Variants in CRISPLD2 observed in about 807,000 individuals in gnomAD.
CRISPLD2 encodes the protein cysteine rich secretory protein LCCL domain containing 2.
Under a neutral mutation model 71.1 loss-of-function variants are expected in CRISPLD2, and 47 were observed. The ratio of observed to expected loss-of-function variants is 0.66; its 90% CI spans 0.52 to 0.84. CRISPLD2 has a LOEUF of 0.84. CRISPLD2 is among the 40% of genes least tolerant of loss of function. The pLI, the probability that CRISPLD2 is intolerant of heterozygous loss-of-function variation, is 0.00. For synonymous variants in CRISPLD2, 317 were observed against 250.1 expected (o/e 1.27, Z -2.52); for missense variants, 830 against 651.1 (o/e 1.27, Z -2.99).
At chr16:84,826,494 C>T (rs1916355234) in intron 1 of CRISPLD2, among the ~76,000 whole-genome samples, 1 of 152,224 alleles carries the variant, frequency 6.6e-6, no homozygotes, top group Non-Finnish European at 1.5e-5. Context: ...AAGGGGTGAG[C>T]TGTTTCCTCA....
At chr16:84,850,113 C>T (rs912845100) in intron 4 of CRISPLD2, among the ~76,000 whole-genome samples, 5 of 145,838 alleles carry the variant, frequency 3.4e-5, no homozygotes, top group South Asian at 2.2e-4. Context: ...TTTTTTGAAA[C>T]GGAGTCTCCC....
At chr16:84,853,626 C>T (rs1428103452) in intron 5 of CRISPLD2, among the ~76,000 whole-genome samples, 2 of 152,202 alleles carry the variant, frequency 1.3e-5, no homozygotes, top group Admixed American at 6.5e-5. Flanking sequence ...AGACCCAGAG[C>T]GTGTTTCCTG....
intron 1 of CRISPLD2, among the ~76,000 whole-genome samples, chr16:84,837,618 C>T (rs1349422610): frequency 2.0e-5 from 3 of 151,940 alleles, no homozygotes; most frequent in East Asian, 1.9e-4. Context: ...AGGGTTTCAT[C>T]GTGTTAGCCA....
intron 7 of CRISPLD2, among the ~76,000 whole-genome samples, chr16:84,867,350 G>A (rs1917569999): frequency 6.6e-6 from 1 of 152,184 alleles, no homozygotes; most frequent in African/African-American, 2.4e-5. Context: ...GGGTTCCTCT[G>A]GGAAGCGCTG....
intron 3 of CRISPLD2, among the ~76,000 whole-genome samples, chr16:84,847,694 T>G (rs1337478423): frequency 2.0e-5 from 3 of 152,044 alleles, no homozygotes; most frequent in Admixed American, 6.6e-5. Flanking sequence ...GTGAAGTGTC[T>G]AAAGCAGGGA....
chr16:84,875,820 C>A (rs1463220692), intron 11 of CRISPLD2, among the ~76,000 whole-genome samples: 2 of 151,770 alleles, frequency 1.3e-5, no homozygotes, highest in African/African-American at 2.4e-5. Context: ...CCCGCCTGGG[C>A]CTCCCCAAGT....
intron 1 of CRISPLD2, among the ~76,000 whole-genome samples, chr16:84,837,198 A>G (rs1486018524): frequency 6.6e-6 from 1 of 152,212 alleles, no homozygotes; most frequent in Non-Finnish European, 1.5e-5. Flanking sequence ...TCTTGGGCCA[A>G]TGACATACAT....
At chr16:84,895,522 T>C (rs2071698443) in intron 14 of CRISPLD2, among the ~76,000 whole-genome samples, 1 of 152,196 alleles carries the variant, frequency 6.6e-6, no homozygotes, top group African/African-American at 2.4e-5. Flanking sequence ...TCTTGACCTG[T>C]TTTTCCCCCG....
At chr16:84,888,740 T>C (rs995981850) in intron 13 of CRISPLD2, among the ~76,000 whole-genome samples, 1 of 152,232 alleles carries the variant, frequency 6.6e-6, no homozygotes, top group African/African-American at 2.4e-5. Flanking sequence ...CTGCCTGGGA[T>C]GCTCTGTGCA....
In CRISPLD2 at chr16:84,879,150, C is replaced by G. The variant is rs532918514; in HGVS notation, c.1230-1359C>G. 3.3e-5 allele frequency among the ~76,000 whole-genome samples: 5 copies of G among 152,330 alleles called. No homozygotes were observed. In the South Asian group the frequency reaches 1.0e-3, roughly 32 times the overall value. On this transcript the variant is annotated intron_variant, in intron 12 of 14. Transcript: ENST00000262424. Reference sequence around the variant, plus strand: ...TCTCTGGGCCTCCACTGCCTCCGCACCACCGTCTTGATCCCCCTTGAATGT... The same window carrying G: ...TCTCTGGGCCTCCACTGCCTCCGCAGCACCGTCTTGATCCCCCTTGAATGT...
intron 5 of CRISPLD2, among the ~76,000 whole-genome samples, chr16:84,854,133 C>T (rs182824770): frequency 8.9e-4 from 135 of 152,302 alleles, no homozygotes; most frequent in African/African-American, 2.7e-3. Context: ...GTGTTCAAAT[C>T]CCAGCCCCGC....
At chr16:84,899,037 C>A (rs1017128554) in intron 14 of CRISPLD2, among the ~76,000 whole-genome samples, 2 of 152,096 alleles carry the variant, frequency 1.3e-5, no homozygotes, top group African/African-American at 4.8e-5. Context: ...GGACCACAGG[C>A]GTGCACCACC....
intron 5 of CRISPLD2, among the ~76,000 whole-genome samples, chr16:84,854,123 G>T (rs1021843931): frequency 6.6e-6 from 1 of 152,210 alleles, no homozygotes; most frequent in Non-Finnish European, 1.5e-5. Flanking sequence ...CGGACAGCCT[G>T]TGTTCAAATC....
At chr16:84,906,517 G>C in intron 14 of CRISPLD2, 71 bp from the exon 15 acceptor site, 1 of 1,550,108 alleles carries the variant, frequency 6.5e-7, no homozygotes, top group Non-Finnish European at 8.8e-7. Context: ...AGGTCTCCCT[G>C]CCCACCCAGA....
chr16:84,874,040 T>C, intron 11 of CRISPLD2, 77 bp downstream of exon 11: 3 of 1,296,286 alleles, frequency 2.3e-6, no homozygotes, highest in Non-Finnish European at 3.3e-6. Context: ...CTTCCTTTAG[T>C]CGCTGATTTA....
intron 14 of CRISPLD2, among the ~76,000 whole-genome samples, chr16:84,903,213 G>A (rs1045892958): frequency 2.6e-5 from 4 of 152,018 alleles, no homozygotes; most frequent in African/African-American, 7.2e-5. Flanking sequence ...CCCACCTTCC[G>A]GGTCTCCTCT....
At chr16:84,860,879 A>C (rs114653604) in intron 6 of CRISPLD2, among the ~76,000 whole-genome samples, 3 of 152,156 alleles carry the variant, frequency 2.0e-5, no homozygotes, top group Non-Finnish European at 4.4e-5. Flanking sequence ...CTCACTCATG[A>C]TAATCTTAGC....
chr16:84,832,818 C>T (rs561687034), intron 1 of CRISPLD2, among the ~76,000 whole-genome samples: 12 of 152,340 alleles, frequency 7.9e-5, no homozygotes, highest in East Asian at 7.7e-4. Context: ...AGGCCAATGA[C>T]GCAATGAGCT....
intron 5 of CRISPLD2, among the ~76,000 whole-genome samples, chr16:84,851,296 A>T (rs1180344304): frequency 6.6e-6 from 1 of 152,212 alleles, no homozygotes; most frequent in Non-Finnish European, 1.5e-5. Context: ...CGCCTATAGC[A>T]TGCTCAGCTC....
Sources: allele counts gnomAD v4.1 joint callset (sites outside exome capture counted in the v4.1 genomes callset), GRCh38; gene constraint gnomAD v4.1.1; transcripts MANE v1.5; gene names NCBI Gene and HGNC (gene_info 2026-07-23, HGNC 2026-07-21).